The following LHFPL3 variants were observed in gnomAD, a reference collection of about 807,000 sequenced individuals.
The protein encoded by LHFPL3 is LHFPL tetraspan subfamily member 3 protein.
A neutral mutation model predicts 19.3 loss-of-function variants in LHFPL3; 5 were observed. The ratio of observed to expected loss-of-function variants is 0.26; its 90% CI spans 0.14 to 0.54. LHFPL3 has a LOEUF of 0.54. Ranked by LOEUF, LHFPL3 falls within the 20% of genes least tolerant of loss-of-function variation. The pLI is 0.94. For synonymous variants in LHFPL3, 133 were observed against 126.2 expected, an observed-to-expected ratio of 1.05 and a Z score of -0.36; for missense variants, 249 against 307.4, an observed-to-expected ratio of 0.81 and a Z score of 1.42.
chr7:104,547,490 G>A (rs1042042959), intron 1 of LHFPL3, among the ~76,000 whole-genome samples: 1 of 152,120 alleles, frequency 6.6e-6, no homozygotes, highest in Non-Finnish European at 1.5e-5. Context: ...CAATAGTGAT[G>A]TAGTCCAGGG....
chr7:104,422,903 G>T (rs75290130), intron 1 of LHFPL3, among the ~76,000 whole-genome samples: 1 of 152,184 alleles, frequency 6.6e-6, no homozygotes, highest in Admixed American at 6.5e-5. Flanking sequence ...AGGCTATTGG[G>T]AGAGATATTA....
intron 1 of LHFPL3, chr7:104,669,095 A>G (rs1378490992): frequency 4.3e-6 from 7 of 1,612,656 alleles, no homozygotes; most frequent in African/African-American, 4.0e-5. Flanking sequence ...GAAACACTCA[A>G]TAAGGAGGAA....
In LHFPL3 at chr7:104,399,887, C is replaced by T. The variant is rs1343066053; in HGVS notation, c.445+70663C>T. Among the ~76,000 whole-genome samples, 1 of 151,090 alleles carries T rather than the reference C, an allele frequency of 6.6e-6. No homozygotes were observed. Among genetic ancestry groups the T allele is most frequent in the Non-Finnish European group, 1.5e-5 (1 of 67,790 alleles). On this transcript the variant is annotated intron_variant, in intron 1 of 2. Transcript: ENST00000424859. The surrounding 1 kb of genome is among the most constrained non-coding windows in gnomAD (Gnocchi z 4.4). The stretch of plus-strand genomic sequence containing the variant: ...TCAGGGAGCCGAGGCAGGTGGATCA[C>T]GTGAGGTCGAGTTTGAGACCAGCCT...
rs564524531 is a variant in LHFPL3, at chr7:104,429,111, A to G, written c.445+99887A>G. On this transcript the variant is annotated intron_variant, in intron 1 of 2. Transcript: ENST00000424859. ...TAGGTATTTTTCATTTTATTAAGAG[A>G]TGTATATTTTTGCTGATGAAATTGG... is the stretch of plus-strand genomic sequence containing the variant. Among the ~76,000 whole-genome samples, 8 of 152,252 alleles carry G rather than the reference A, an allele frequency of 5.3e-5. No homozygotes were observed. In the East Asian group the frequency reaches 1.4e-3, roughly 26 times the overall value.
At chr7:104,369,615 T>C (rs1290269357) in intron 1 of LHFPL3, among the ~76,000 whole-genome samples, 1 of 152,246 alleles carries the variant, frequency 6.6e-6, no homozygotes, top group African/African-American at 2.4e-5. Flanking sequence ...AACTATTTTC[T>C]GGAGTGGGTG....
chr7:104,714,612 T>C (rs1383853412), intron 1 of LHFPL3, among the ~76,000 whole-genome samples: 1 of 151,676 alleles, frequency 6.6e-6, no homozygotes, highest in Non-Finnish European at 1.5e-5. Flanking sequence ...GGTGAGGGGA[T>C]TGGAGGGAGG....
At chr7:104,609,676 G>A (rs889284390) in intron 1 of LHFPL3, among the ~76,000 whole-genome samples, 14 of 152,320 alleles carry the variant, frequency 9.2e-5, no homozygotes, top group African/African-American at 3.4e-4. Flanking sequence ...AAGCTTGTTT[G>A]CCATCACTTC....
intron 2 of LHFPL3, among the ~76,000 whole-genome samples, chr7:104,884,640 A>G (rs1792116664): frequency 6.6e-6 from 1 of 152,222 alleles, no homozygotes; most frequent in South Asian, 2.1e-4. Context: ...TATCTGATTA[A>G]AGTAATTCAC....
chr7:104,608,241 C>G (rs1294047571), intron 1 of LHFPL3, among the ~76,000 whole-genome samples: 2 of 151,820 alleles, frequency 1.3e-5, no homozygotes. Flanking sequence ...GACTTGGAAC[C>G]AACCCAAATG....
intron 2 of LHFPL3, among the ~76,000 whole-genome samples, chr7:104,767,194 G>T (rs77637879): frequency 0.014 from 2,100 of 152,336 alleles, 31 homozygotes; most frequent in East Asian, 0.054. Context: ...AGTGCCCTTG[G>T]TGAGAAGACT....
At chr7:104,524,387 C>T (rs374958714) in intron 1 of LHFPL3, among the ~76,000 whole-genome samples, 1 of 152,150 alleles carries the variant, frequency 6.6e-6, no homozygotes, top group Non-Finnish European at 1.5e-5. Flanking sequence ...TTAAAGCATG[C>T]AACTCATAGG....
intron 2 of LHFPL3, among the ~76,000 whole-genome samples, chr7:104,878,886 G>T (rs570105763): frequency 6.6e-6 from 1 of 152,290 alleles, no homozygotes; most frequent in South Asian, 2.1e-4. Context: ...TATGGTTATG[G>T]TTTGATCTAT....
chr7:104,589,182 C>G (rs1487549518), intron 1 of LHFPL3, among the ~76,000 whole-genome samples: 1 of 152,076 alleles, frequency 6.6e-6, no homozygotes, highest in Non-Finnish European at 1.5e-5. Context: ...GCATCCCTGT[C>G]TTGTGCCAGT....
At chr7:104,346,572 A>C (rs1035933983) in intron 1 of LHFPL3, among the ~76,000 whole-genome samples, 1 of 152,142 alleles carries the variant, frequency 6.6e-6, no homozygotes, top group East Asian at 1.9e-4. Flanking sequence ...TGAATCTCTC[A>C]TACTGGGTTA....
At chr7:104,412,635 A>G (rs1791553965) in intron 1 of LHFPL3, among the ~76,000 whole-genome samples, 1 of 152,120 alleles carries the variant, frequency 6.6e-6, no homozygotes, top group Non-Finnish European at 1.5e-5. Context: ...TTCTTGCTGC[A>G]TTAGGATCTA....
intron 1 of LHFPL3, among the ~76,000 whole-genome samples, chr7:104,555,290 C>G (rs1323012419): frequency 6.6e-6 from 1 of 152,160 alleles, no homozygotes; most frequent in Admixed American, 6.5e-5. Flanking sequence ...TAAAAGAGAA[C>G]CCAGAGAGCA....
chr7:104,566,218 G>A (rs1790121231), intron 1 of LHFPL3, among the ~76,000 whole-genome samples: 1 of 152,106 alleles, frequency 6.6e-6, no homozygotes, highest in South Asian at 2.1e-4. Flanking sequence ...TGTCATGATG[G>A]CATGCACCTG....
intron 2 of LHFPL3, among the ~76,000 whole-genome samples, chr7:104,793,825 T>TA (rs1198731488): frequency 6.6e-6 from 1 of 152,178 alleles, no homozygotes; most frequent in Admixed American, 6.5e-5. Context: ...GTATCTCCCA[T>TA]AGGAGAAGGT....
At chr7:104,716,684 C>A (rs975851412) in intron 1 of LHFPL3, among the ~76,000 whole-genome samples, 2 of 152,036 alleles carry the variant, frequency 1.3e-5, no homozygotes, top group Non-Finnish European at 2.9e-5. Context: ...AAGACAAAAA[C>A]AAATGGAAAG....
Sources: gnomAD v4.1 joint callset for allele counts (sites outside exome capture counted in the v4.1 genomes callset) on GRCh38, gnomAD v4.1.1 for gene constraint, Gnocchi (gnomAD v3.1) non-coding constraint, MANE v1.5 for transcripts, NCBI Gene and HGNC (gene_info 2026-07-23, HGNC 2026-07-21) for gene names.